PDZD2: variants seen among roughly 807,000 people sequenced by gnomAD.
PDZD2 encodes PDZ domain containing 2, also known as PDZ domain-containing protein 2.
PDZD2 carries 90 observed loss-of-function variants against 220.7 expected under a neutral mutation model. That is an observed-to-expected ratio of 0.41 (90% CI 0.34 to 0.49). The LOEUF is 0.49. Among genes scored for constraint, PDZD2 ranks in the 20% least tolerant of loss-of-function variants. PDZD2 has a pLI of 0.28. For missense variants in PDZD2, 3,174 were observed against 3,608.5 expected, an observed-to-expected ratio of 0.88 and a Z score of 3.08; for synonymous variants, 1,375 against 1,450.5, an observed-to-expected ratio of 0.95 and a Z score of 1.18.
chr5:31,968,235 G>A (rs996811938), intron 2 of PDZD2, among the ~76,000 whole-genome samples: 1 of 152,182 alleles, frequency 6.6e-6, no homozygotes, highest in Non-Finnish European at 1.5e-5. Context: ...GTGCATGTCT[G>A]TAATCCCATC....
intron 2 of PDZD2, among the ~76,000 whole-genome samples, chr5:31,844,223 GAGA>G (rs1180844418): frequency 6.6e-6 from 1 of 152,172 alleles, no homozygotes; most frequent in East Asian, 1.9e-4. Context: ...TGCTTGGGAA[GAGA>G]AGAAGGGTCA....
chr5:31,854,841 G>T, intron 2 of PDZD2: 1 of 292,640 alleles, frequency 3.4e-6, no homozygotes, highest in Non-Finnish European at 5.1e-6. Flanking sequence ...CAAGTGAGCA[G>T]GGGAGTGGCG....
chr5:31,915,968 TGGG>T (rs1319845657), intron 2 of PDZD2, among the ~76,000 whole-genome samples: 1 of 152,130 alleles, frequency 6.6e-6, no homozygotes, highest in Non-Finnish European at 1.5e-5. Flanking sequence ...ATATGTGTGT[TGGG>T]GGGACAGTGG....
intron 1 of PDZD2, among the ~76,000 whole-genome samples, chr5:31,776,113 A>G (rs1156972318): frequency 6.6e-6 from 1 of 152,164 alleles, no homozygotes; most frequent in African/African-American, 2.4e-5. Context: ...GTAAGAGGCA[A>G]AGGACAAGGC....
intron 1 of PDZD2, among the ~76,000 whole-genome samples, chr5:31,667,438 C>T (rs1014795214): frequency 3.3e-5 from 5 of 151,796 alleles, no homozygotes; most frequent in African/African-American, 7.3e-5. Flanking sequence ...TAGGTGCTTC[C>T]GGAAGAAAAA....
At chr5:31,669,497 A>G (rs1746132449) in intron 1 of PDZD2, among the ~76,000 whole-genome samples, 1 of 151,800 alleles carries the variant, frequency 6.6e-6, no homozygotes, top group Non-Finnish European at 1.5e-5. Context: ...TCCTGGCCTC[A>G]TCTCCCGTGT....
chr5:31,648,098 T>C (rs1745201378), intron 1 of PDZD2, among the ~76,000 whole-genome samples: 1 of 152,212 alleles, frequency 6.6e-6, no homozygotes, highest in South Asian at 2.1e-4. Flanking sequence ...CAACAACTGA[T>C]ATTCATTGTT....
intron 1 of PDZD2, among the ~76,000 whole-genome samples, chr5:31,727,286 T>A (rs1423531760): frequency 6.6e-6 from 1 of 152,242 alleles, no homozygotes. Flanking sequence ...GGACTGTATT[T>A]CTTCATCTTG....
Position 31,925,323 on chromosome 5 carries a change from G to A in PDZD2, c.477-57832G>A, listed in dbSNP as rs534131035. 3.9e-5 allele frequency among the ~76,000 whole-genome samples: 6 copies of A among 152,128 alleles called. No homozygotes were observed. The East Asian group carries it at 5.8e-4, about 15-fold the overall frequency. On this transcript the variant is annotated intron_variant, in intron 2 of 24. Coordinates refer to ENST00000438447, the MANE Select transcript of PDZD2 (RefSeq NM_178140.4). ...GAAATAAAGCCACACATCTATAGCC[G>A]TCTGATCTTCCACAAAGTTAACAAA...
chr5:32,088,934 G>A lies in PDZD2; in HGVS notation c.5486G>A (p.Ser1829Asn). 6.2e-7 allele frequency: 1 copy of A among 1,613,866 alleles called. No homozygotes were observed. The highest frequency in any genetic ancestry group is 1.1e-5 in the South Asian group (1 of 91,022). ...GAACAACCTCTAATGCCTGCCAGAA[G>A]TCCCGACTCCAAGATTCAGATGGTG... ...EKEQPLMPAR[S>N]PDSKIQMVSS... Residue 1829 changes from serine to asparagine, a missense_variant, in exon 20 of 25, where the codon AGT becomes AAT. By Grantham distance (46) the Ser-to-Asn change is conservative. Around this residue, in one of 4 missense-constraint regions of PDZD2, gnomAD observed 1,861 missense variants for 2,001.0 expected, o/e 0.93. Coordinates refer to ENST00000438447, the MANE Select transcript of PDZD2 (RefSeq NM_178140.4). This position sits in a 1 kb window ranked among gnomAD's most constrained non-coding sequence, Gnocchi z 4.6.
intron 12 of PDZD2, 98 bp from the exon 13 acceptor site, chr5:32,059,141 T>C: frequency 1.5e-6 from 1 of 665,438 alleles, no homozygotes; most frequent in Non-Finnish European, 2.7e-6. Context: ...TGGTTATTGG[T>C]CTGAATAGAT....
rs867864706 is a variant in PDZD2, at chr5:31,639,185, G to C, written c.-613G>C. Among the ~76,000 whole-genome samples, 4 of 152,094 alleles carry C rather than the reference G, an allele frequency of 2.6e-5. No individual in the cohort carries two copies. The highest frequency in any genetic ancestry group is 3.4e-3 in the Middle Eastern group (1 of 292). On this transcript the variant is annotated 5_prime_UTR_variant, in exon 1 of 25. Coordinates refer to ENST00000438447, the MANE Select transcript of PDZD2 (RefSeq NM_178140.4). This position sits in a 1 kb window ranked among gnomAD's most constrained non-coding sequence, Gnocchi z 4.1. ...GCGAGGAGCGGACCCCAGCGCCGGT[G>C]CGTGCCGGCCCCGGGCAGCGGGACG...
chr5:31,677,063 A>G (rs912569302), intron 1 of PDZD2, among the ~76,000 whole-genome samples: 1 of 152,098 alleles, frequency 6.6e-6, no homozygotes, highest in African/African-American at 2.4e-5. Context: ...AAAAGGATGA[A>G]TCTACCTAGG....
rs749035781 is a variant in PDZD2, at chr5:31,983,307, C to T, written c.629C>T (p.Ala210Val). ...ACCTTGGAGCTGGGTGACCGAACTG[C>T]GAAAAAGGGGAAACGAACCAGAAAG... Reference protein sequence around the residue: ...TPTLELGDRTAKKGKRTRKFG... With the variant: ...TPTLELGDRTVKKGKRTRKFG... Residue 210 changes from alanine (A) to valine (V), a missense_variant, in exon 3 of 25, where the codon GCG becomes GTG. By Grantham distance (64) the Ala-to-Val change is moderately conservative. Coordinates refer to ENST00000438447, the MANE Select transcript of PDZD2 (RefSeq NM_178140.4). The T allele has an allele frequency of 1.3e-5, 21 of 1,613,970 alleles. No homozygotes were observed. The highest frequency in any genetic ancestry group is 8.0e-5 in the African/African-American group (6 of 74,862).
intron 2 of PDZD2, among the ~76,000 whole-genome samples, chr5:31,880,349 C>G (rs939001008): frequency 2.0e-5 from 3 of 152,146 alleles, no homozygotes; most frequent in South Asian, 2.1e-4. Context: ...TATTCAAATC[C>G]TTGAGGGCAT....
intron 2 of PDZD2, among the ~76,000 whole-genome samples, chr5:31,829,977 G>A (rs1157560908): frequency 6.6e-6 from 1 of 152,034 alleles, no homozygotes; most frequent in Non-Finnish European, 1.5e-5. Context: ...GAACCTAGGA[G>A]TCAGAGGTTG....
chr5:31,910,216 C>T (rs983057671), intron 2 of PDZD2, among the ~76,000 whole-genome samples: 15 of 55,458 alleles, frequency 2.7e-4, no homozygotes, highest in Non-Finnish European at 1.4e-4. Context: ...AGAGTTCCTG[C>T]ATTTTTTTTT....
rs61743513 is a variant in PDZD2 at position 32,090,651 on chromosome 5, C to T, written c.7203C>T (p.Ser2401=). 2.4e-3 allele frequency: 3,929 copies of T among 1,614,008 alleles called. 87 individuals carry two copies. In the African/African-American group the frequency reaches 0.045, roughly 19 times the overall value. ...RLLRRSLSSC[S]ENQSEAGTLL... The stretch of plus-strand genomic sequence containing the variant: ...TGAGACGCAGCTTGAGTTCCTGCAG[C>T]GAAAACCAAAGCGAAGCCGGCACCC... Residue 2401 remains serine, a synonymous_variant, in exon 20 of 25, where the codon AGC becomes AGT. Transcript: ENST00000438447. The surrounding 1 kb of genome is among the most constrained non-coding windows in gnomAD (Gnocchi z 4.3).
chr5:32,029,328 GTA>G (rs1491565151), intron 6 of PDZD2, among the ~76,000 whole-genome samples: 2 of 19,636 alleles, frequency 1.0e-4, no homozygotes, highest in African/African-American at 2.6e-4. Context: ...ATCAAGAACT[GTA>G]AAAAAAAAAA....
Sources: gnomAD v4.1 joint callset for allele counts (sites outside exome capture counted in the v4.1 genomes callset) on GRCh38, gnomAD v4.1.1 for gene constraint, gnomAD v4.1.1 regional missense constraint, Gnocchi (gnomAD v3.1) non-coding constraint, MANE v1.5 for transcripts, NCBI Gene and HGNC (gene_info 2026-07-23, HGNC 2026-07-21) for gene names.